The following AQR variants were observed in gnomAD, a reference collection of about 807,000 sequenced individuals.
AQR encodes the protein RNA helicase aquarius.
In AQR, 61 loss-of-function variants were observed where a neutral mutation model predicts 180.5. The ratio of observed to expected loss-of-function variants is 0.34; its 90% confidence interval spans 0.28 to 0.42. AQR has a LOEUF of 0.42. AQR is among the 10% of genes least tolerant of loss of function. The pLI, the probability that AQR is intolerant of heterozygous loss-of-function variation, is 1.00. For synonymous variants in AQR, 551 were observed against 588.8 expected, an observed-to-expected ratio of 0.94 and a Z score of 0.93; for missense variants, 1,281 against 1,798.3, an observed-to-expected ratio of 0.71 and a Z score of 5.20.
chr15:34,881,642 G>A (rs1892974974), intron 27 of AQR, among the ~76,000 whole-genome samples: 2 of 152,160 alleles, frequency 1.3e-5, no homozygotes, highest in Admixed American at 6.5e-5. Flanking sequence ...ATCATATGAT[G>A]AAACCATTTT....
intron 13 of AQR, among the ~76,000 whole-genome samples, chr15:34,926,383 G>C (rs1041239572): frequency 6.6e-6 from 1 of 152,134 alleles, no homozygotes; most frequent in Non-Finnish European, 1.5e-5. Context: ...AGATGATACA[G>C]TATAGTAGTT....
intron 8 of AQR, among the ~76,000 whole-genome samples, chr15:34,939,321 C>T (rs1191146457): frequency 1.3e-5 from 2 of 152,220 alleles, no homozygotes; most frequent in Admixed American, 6.5e-5. Flanking sequence ...CCCGCCTCGG[C>T]CTCCCAAAGT....
chr15:34,958,848 G>A (rs1442634251), intron 3 of AQR, among the ~76,000 whole-genome samples: 6 of 152,040 alleles, frequency 3.9e-5, no homozygotes, highest in Non-Finnish European at 8.8e-5. Context: ...TTACAAATCT[G>A]CTCAAATGTC....
intron 10 of AQR, among the ~76,000 whole-genome samples, chr15:34,934,188 A>C (rs1173195131): frequency 6.7e-6 from 1 of 149,786 alleles, no homozygotes; most frequent in Non-Finnish European, 1.5e-5. Flanking sequence ...AAGAAAAAGA[A>C]TTTTTTTCTT....
chr15:34,942,336 TCA>T (rs1170085241), intron 6 of AQR, among the ~76,000 whole-genome samples: 1 of 152,250 alleles, frequency 6.6e-6, no homozygotes, highest in Non-Finnish European at 1.5e-5. Flanking sequence ...CCATGTGCTT[TCA>T]CAGTCATCCA....
intron 11 of AQR, among the ~76,000 whole-genome samples, chr15:34,930,921 C>T (rs1364081469): frequency 6.6e-6 from 1 of 150,474 alleles, no homozygotes; most frequent in Non-Finnish European, 1.5e-5. Flanking sequence ...ACTGCAAGCT[C>T]CGCCTCCCAG....
At chr15:34,930,024 A>C (rs926042796) in intron 12 of AQR, among the ~76,000 whole-genome samples, 1 of 152,238 alleles carries the variant, frequency 6.6e-6, no homozygotes, top group African/African-American at 2.4e-5. Context: ...AAACTGGCCC[A>C]GTAACTAACA....
intron 4 of AQR, 23 bp from the exon 5 acceptor site, chr15:34,948,407 A>C (rs766808984): frequency 6.2e-7 from 1 of 1,607,646 alleles, no homozygotes. Flanking sequence ...AAAAGCATAG[A>C]ATACTTCATT....
intron 7 of AQR, among the ~76,000 whole-genome samples, chr15:34,941,536 C>G (rs1324319825): frequency 1.3e-5 from 2 of 152,146 alleles, no homozygotes; most frequent in African/African-American, 2.4e-5. Flanking sequence ...AAGGGAAATT[C>G]TGAATAAAGC....
In AQR at chr15:34,895,852, G is replaced by GCAC. The variant is rs1403208324; in HGVS notation, c.2460+1044_2460+1045insGTG. Among the ~76,000 whole-genome samples, 279 of 152,034 alleles carry GCAC rather than the reference G, an allele frequency of 1.8e-3. 1 individual carries two copies. The highest frequency in any genetic ancestry group is 6.5e-3 in the African/African-American group (268 of 41,434). ...ATTAAATAATAACATCAACAAAATG[G>GCAC]ATCTAATCAACATTTATAGCACAAC... On this transcript the variant is annotated intron_variant, in intron 22 of 34. Coordinates refer to ENST00000156471, the MANE Select transcript of AQR (RefSeq NM_014691.3).
At chr15:34,904,305 T>C (rs767820609) in intron 19 of AQR, 31 bp downstream of exon 19, 3 of 1,477,686 alleles carry the variant, frequency 2.0e-6, no homozygotes, top group South Asian at 2.7e-5. Flanking sequence ...AATTATGACA[T>C]AGTACTTTTA....
rs772955440 is a variant in AQR, at chr15:34,920,379, T to C, written c.1174A>G (p.Lys392Glu). 1.2e-6 allele frequency: 2 copies of C among 1,613,642 alleles called. No homozygotes were observed. Among genetic ancestry groups the C allele is most frequent in the Non-Finnish European group, 1.7e-6 (2 of 1,179,836 alleles). Residue 392 changes from lysine (K) to glutamate (E), a missense_variant, in exon 14 of 35, where the codon AAA (lysine) becomes GAA (glutamate). Lys to Glu is a moderately conservative substitution (Grantham distance 56, BLOSUM62 1). Transcript: ENST00000156471. ...TTATCAAAAGTTGTGTCTTCATTTT[T>C]AGGAAGAGTTGGCAACAAGCAGAGG... ...SYLCLLPTLP[K>E]NEDTTFDKEF...
At chr15:34,936,073 A>G (rs899500098) in intron 9 of AQR, among the ~76,000 whole-genome samples, 1 of 152,180 alleles carries the variant, frequency 6.6e-6, no homozygotes, top group African/African-American at 2.4e-5. Flanking sequence ...CCTACTGGGC[A>G]TGTTGCCTAA....
chr15:34,893,606 T>TGC (rs1555423811), intron 23 of AQR, 57 bp downstream of exon 23: 50 of 824,414 alleles, frequency 6.1e-5, no homozygotes, highest in East Asian at 2.3e-4. Flanking sequence ...TGCGCATGCG[T>TGC]GCACACACAC....
At chr15:34,938,290 T>C (rs755020376) in intron 9 of AQR, among the ~76,000 whole-genome samples, 1 of 152,214 alleles carries the variant, frequency 6.6e-6, no homozygotes, top group Non-Finnish European at 1.5e-5. Flanking sequence ...TCCCAGCACT[T>C]TGAGAGGCTG....
At chr15:34,865,793 G>T (rs1892731436) in intron 32 of AQR, among the ~76,000 whole-genome samples, 1 of 152,150 alleles carries the variant, frequency 6.6e-6, no homozygotes, top group Non-Finnish European at 1.5e-5. Flanking sequence ...AGTGAGAGAA[G>T]CCAGTAACAA....
intron 19 of AQR, 73 bp downstream of exon 19, chr15:34,904,261 AAT>A: frequency 9.1e-7 from 1 of 1,103,434 alleles, no homozygotes. Context: ...CCTCTAACCA[AAT>A]ATCTCTGTAT....
chr15:34,879,567 G>C (rs973160194), intron 27 of AQR, among the ~76,000 whole-genome samples: 1 of 152,124 alleles, frequency 6.6e-6, no homozygotes, highest in Non-Finnish European at 1.5e-5. Flanking sequence ...ACATAGATTT[G>C]AGCTTGACTA....
At chr15:34,921,459 A>C (rs943316215) in intron 13 of AQR, among the ~76,000 whole-genome samples, 1 of 151,890 alleles carries the variant, frequency 6.6e-6, no homozygotes, top group Non-Finnish European at 1.5e-5. Context: ...AAAAATGACA[A>C]ACTGTTTATA....
Sources: gnomAD v4.1 joint callset for allele counts (sites outside exome capture counted in the v4.1 genomes callset) on GRCh38, gnomAD v4.1.1 for gene constraint, MANE v1.5 for transcripts, NCBI Gene and HGNC (gene_info 2026-07-23, HGNC 2026-07-21) for gene names.